VIT: variants seen among roughly 807,000 people sequenced by gnomAD.
VIT encodes the protein vitrin.
Under a neutral mutation model 78.0 loss-of-function variants are expected in VIT, and 99 were observed. The observed-to-expected ratio is 1.27, with a 90% CI of 1.08 to 1.50. VIT has a LOEUF of 1.50. Among genes scored for constraint, VIT ranks in the 40% most tolerant of loss-of-function variants. The pLI is 0.00. For missense variants in VIT, 1,126 were observed against 875.3 expected (o/e 1.29, Z -3.61); for synonymous variants, 374 against 334.3 (o/e 1.12, Z -1.29).
chr2:36,728,603 G>T (rs1474855135), intron 2 of VIT, among the ~76,000 whole-genome samples: 1 of 87,848 alleles, frequency 1.1e-5, no homozygotes, highest in African/African-American at 3.4e-5. Context: ...CACGAGGTCA[G>T]GAGATCGAGA....
chr2:36,737,201 T>G (rs1272664895), intron 3 of VIT, among the ~76,000 whole-genome samples: 1 of 152,150 alleles, frequency 6.6e-6, no homozygotes, highest in Non-Finnish European at 1.5e-5. Flanking sequence ...GGAAAGGGCT[T>G]TCTAGGTGGA....
chr2:36,722,980 G>A (rs1246973507), intron 2 of VIT, among the ~76,000 whole-genome samples: 8 of 150,512 alleles, frequency 5.3e-5, no homozygotes, highest in Admixed American at 2.0e-4. Flanking sequence ...TATAAATTAT[G>A]TCTATATAAA....
chr2:36,806,513 A>G (rs1029762532), intron 14 of VIT, among the ~76,000 whole-genome samples: 11 of 151,952 alleles, frequency 7.2e-5, no homozygotes, highest in Non-Finnish European at 1.3e-4. Flanking sequence ...CCTCTCCTGC[A>G]GGATCCCTCC....
chr2:36,761,014 C>T (rs1355593342), intron 6 of VIT, among the ~76,000 whole-genome samples: 3 of 152,088 alleles, frequency 2.0e-5, no homozygotes, highest in Admixed American at 6.5e-5. Flanking sequence ...ATAAAGCCCC[C>T]AACTTCAGGG....
intron 15 of VIT, among the ~76,000 whole-genome samples, chr2:36,813,323 G>A (rs555161429): frequency 6.6e-6 from 1 of 152,084 alleles, no homozygotes; most frequent in Admixed American, 6.5e-5. Flanking sequence ...AGTGGCACAT[G>A]CTGTAATCCT....
In VIT at chr2:36,761,688, C is replaced by T. The variant is rs181987452; in HGVS notation, c.487+2642C>T. ...CCGGGAGGTGGAGGTTGCAGTGAGC[C>T]AAGATCACGGCACTGCACTCCAGCC... is the stretch of plus-strand genomic sequence containing the variant. On this transcript the variant is annotated intron_variant, in intron 6 of 15. Coordinates refer to ENST00000379242, the MANE Select transcript of VIT (RefSeq NM_053276.4). Among the ~76,000 whole-genome samples, 445 of 151,978 alleles carry T rather than the reference C, an allele frequency of 2.9e-3. 3 individuals are homozygous for T. The highest frequency in any genetic ancestry group is 0.01 in the African/African-American group (424 of 41,422).
chr2:36,800,427 G>T (rs764464835), intron 12 of VIT, among the ~76,000 whole-genome samples: 16 of 152,220 alleles, frequency 1.1e-4, no homozygotes, highest in Non-Finnish European at 1.8e-4. Flanking sequence ...GTTCAAAAAT[G>T]ATGAAGAATT....
intron 8 of VIT, 200 bp from the exon 9 acceptor site, chr2:36,774,802 A>G: frequency 7.1e-6 from 7 of 985,396 alleles, no homozygotes; most frequent in Non-Finnish European, 8.4e-6. Flanking sequence ...AGCCCAATCC[A>G]TGGAGCACTG....
At position 36,734,260 on chromosome 2, in the gene VIT, A is replaced by G. The variant is rs183278332; in HGVS notation, c.118+4769A>G. Among the ~76,000 whole-genome samples, 24 of 152,338 alleles carry G rather than the reference A, an allele frequency of 1.6e-4. No homozygotes were observed. In the East Asian group the frequency reaches 4.2e-3, roughly 27 times the overall value. On this transcript the variant is annotated intron_variant, in intron 3 of 15. Coordinates refer to ENST00000379242, the MANE Select transcript of VIT (RefSeq NM_053276.4). ...AAATCATTTCAGGTAGGTTCCCTTT[A>G]GTGCCCTCTAACCTCTCTTTTAGAA...
chr2:36,760,604 G>A (rs1669058041), intron 6 of VIT, among the ~76,000 whole-genome samples: 1 of 152,204 alleles, frequency 6.6e-6, no homozygotes, highest in Non-Finnish European at 1.5e-5. Context: ...CTCCTTAAGT[G>A]GCTGGCATCT....
At position 36,801,239 on chromosome 2, in the gene VIT, C is replaced by T. The variant is rs1553381102; in HGVS notation, c.1059-62C>T. 1.3e-5 allele frequency: 18 copies of T among 1,418,594 alleles called. No homozygotes were observed. In the South Asian group the frequency reaches 2.0e-4, roughly 16 times the overall value. 87.9% of individuals were successfully genotyped at this position (1,418,594 alleles called of 1,614,324 possible). On this transcript the variant is annotated intron_variant, in intron 12 of 15. Coordinates refer to ENST00000379242, the MANE Select transcript of VIT (RefSeq NM_053276.4). ...TATATAAAAGAATCAACCATGATCTCTGCCTTCCTCCAAAGGTATTAACTT... is the reference window on the plus strand; with the variant it reads ...TATATAAAAGAATCAACCATGATCTTTGCCTTCCTCCAAAGGTATTAACTT...
At chr2:36,759,265 T>C in intron 6 of VIT, 1 of 1,492,420 alleles carries the variant, frequency 6.7e-7, no homozygotes, top group Non-Finnish European at 8.9e-7. Context: ...AATTCCGAGA[T>C]TGTGTCTCTA....
chr2:36,758,895 T>G, intron 5 of VIT, 74 bp from the exon 6 acceptor site: 3 of 1,284,806 alleles, frequency 2.3e-6, no homozygotes, highest in Non-Finnish European at 3.3e-6. Flanking sequence ...AAGGACAGAA[T>G]CAACTTAGTA....
chr2:36,735,526 C>T (rs899872066), intron 3 of VIT, among the ~76,000 whole-genome samples: 2 of 152,228 alleles, frequency 1.3e-5, no homozygotes, highest in African/African-American at 4.8e-5. Context: ...GTCCCCTCAG[C>T]TACTCAGTGT....
intron 6 of VIT, among the ~76,000 whole-genome samples, chr2:36,765,638 C>T (rs1459985535): frequency 6.6e-6 from 1 of 152,156 alleles, no homozygotes; most frequent in Non-Finnish European, 1.5e-5. Context: ...TATCAGAGGT[C>T]ATATGACGAC....
intron 12 of VIT, among the ~76,000 whole-genome samples, chr2:36,795,305 A>G (rs1422550304): frequency 1.3e-5 from 2 of 152,018 alleles, no homozygotes; most frequent in Non-Finnish European, 2.9e-5. Context: ...CCTGATGCAC[A>G]TCTTCCCAGC....
chr2:36,744,311 T>C (rs778773892), intron 4 of VIT, among the ~76,000 whole-genome samples: 1 of 152,176 alleles, frequency 6.6e-6, no homozygotes, highest in Non-Finnish European at 1.5e-5. Context: ...TTATTTTCCT[T>C]TTGGTATATA....
At chr2:36,789,222 T>A (rs1288390571) in intron 12 of VIT, among the ~76,000 whole-genome samples, 2 of 152,142 alleles carry the variant, frequency 1.3e-5, no homozygotes, top group Non-Finnish European at 2.9e-5. Flanking sequence ...GGGCCTCAGC[T>A]CCTCTGTGTG....
chr2:36,769,881 T>C (rs1669645004), intron 7 of VIT, among the ~76,000 whole-genome samples: 1 of 152,208 alleles, frequency 6.6e-6, no homozygotes, highest in African/African-American at 2.4e-5. Context: ...GCCAATTGAC[T>C]TGCATGAATG....
Sources: allele counts gnomAD v4.1 joint callset (sites outside exome capture counted in the v4.1 genomes callset), GRCh38; gene constraint gnomAD v4.1.1; transcripts MANE v1.5; gene names NCBI Gene and HGNC (gene_info 2026-07-23, HGNC 2026-07-21).